FMN1: variants seen among roughly 807,000 people sequenced by gnomAD.
FMN1 encodes formin 1, also known as formin-1.
FMN1 carries 110 observed loss-of-function variants against 132.4 expected under a neutral mutation model. The ratio of observed to expected loss-of-function variants is 0.83; its 90% CI spans 0.71 to 0.97. The LOEUF (loss-of-function observed/expected upper bound fraction) is 0.97. Ranked by LOEUF, FMN1 falls within the 50% of genes least tolerant of loss-of-function variation. The pLI, the probability that FMN1 is intolerant of heterozygous loss-of-function variation, is 0.00. For missense variants in FMN1, 1,792 were observed against 1,705.3 expected (o/e 1.05, Z -0.90); for synonymous variants, 722 against 651.7 (o/e 1.11, Z -1.64).
intron 9 of FMN1, among the ~76,000 whole-genome samples, chr15:32,939,702 T>C (rs2061359038): frequency 6.6e-6 from 1 of 152,308 alleles, no homozygotes; most frequent in African/African-American, 2.4e-5. Flanking sequence ...ATTGGGTATT[T>C]AGTCTCCCAA....
chr15:33,098,137 A>G (rs2039156805), intron 4 of FMN1, among the ~76,000 whole-genome samples: 1 of 152,224 alleles, frequency 6.6e-6, no homozygotes, highest in African/African-American at 2.4e-5. Flanking sequence ...GAGACCATAC[A>G]CTTCAAAATA....
At chr15:32,804,756 C>T (rs948082786) in intron 17 of FMN1, among the ~76,000 whole-genome samples, 4 of 147,682 alleles carry the variant, frequency 2.7e-5, no homozygotes, top group African/African-American at 5.0e-5. Context: ...TGAGAACATG[C>T]AGTGTTTGGT....
At chr15:32,994,213 C>A (rs12903272) in intron 7 of FMN1, among the ~76,000 whole-genome samples, 1 of 103,824 alleles carries the variant, frequency 9.6e-6, no homozygotes, top group African/African-American at 4.6e-5. Context: ...GAACTCATTC[C>A]TCTCTCTCTC....
chr15:32,775,522 GGAA>G (rs1465341629), intron 20 of FMN1, among the ~76,000 whole-genome samples: 1 of 152,160 alleles, frequency 6.6e-6, no homozygotes. Flanking sequence ...GGCTCATGAA[GGAA>G]GAAGACAAAA....
intron 6 of FMN1, among the ~76,000 whole-genome samples, chr15:33,049,569 C>G (rs541469747): frequency 6.8e-4 from 104 of 152,212 alleles, no homozygotes; most frequent in African/African-American, 2.4e-3. Flanking sequence ...GAGAAAATGA[C>G]CAAAAGAGGG....
At chr15:32,831,515 G>A (rs2058500717) in intron 17 of FMN1, among the ~76,000 whole-genome samples, 1 of 152,168 alleles carries the variant, frequency 6.6e-6, no homozygotes, top group African/African-American at 2.4e-5. Context: ...AGCTCAAGGA[G>A]CCCCAGGAGC....
In FMN1 at chr15:33,098,302, A is replaced by T. The variant is rs192371334; in HGVS notation, c.1868-9328T>A. On this transcript the variant is annotated intron_variant, in intron 4 of 20. Transcript: ENST00000616417. Reference sequence around the variant, plus strand: ...GCATTTCTCCTCCGGACTGGGGGAGATGTCAGGCATAACTGATGCATGATT... The same window carrying T: ...GCATTTCTCCTCCGGACTGGGGGAGTTGTCAGGCATAACTGATGCATGATT... Among the ~76,000 whole-genome samples, 34 of 152,256 alleles carry T rather than the reference A, an allele frequency of 2.2e-4. No homozygotes were observed. The East Asian group carries it at 4.5e-3, about 20-fold the overall frequency.
chr15:32,894,880 G>T (rs2060117561), intron 15 of FMN1, among the ~76,000 whole-genome samples: 1 of 150,138 alleles, frequency 6.7e-6, no homozygotes, highest in African/African-American at 2.5e-5. Flanking sequence ...CTACATATTT[G>T]GTATTATACT....
At chr15:32,864,202 A>T (rs1164941752) in intron 16 of FMN1, among the ~76,000 whole-genome samples, 2 of 152,208 alleles carry the variant, frequency 1.3e-5, no homozygotes, top group Non-Finnish European at 2.9e-5. Context: ...GCCTGCAATA[A>T]AAAGTACCTA....
intron 16 of FMN1, among the ~76,000 whole-genome samples, chr15:32,868,813 C>CTG (rs1346068361): frequency 1.3e-5 from 2 of 152,044 alleles, no homozygotes; most frequent in African/African-American, 4.8e-5. Flanking sequence ...CAAGTATCTG[C>CTG]TGTATGCCAC....
intron 5 of FMN1, among the ~76,000 whole-genome samples, chr15:33,077,187 C>A (rs2038245304): frequency 6.6e-6 from 1 of 151,944 alleles, no homozygotes; most frequent in Non-Finnish European, 1.5e-5. Flanking sequence ...TGCCACCATG[C>A]CTGGCTAATT....
At chr15:32,924,997 T>C (rs1193119832) in intron 10 of FMN1, among the ~76,000 whole-genome samples, 1 of 152,238 alleles carries the variant, frequency 6.6e-6, no homozygotes, top group Admixed American at 6.5e-5. Context: ...ATTGTTTTCA[T>C]GCGAGACACA....
intron 15 of FMN1, among the ~76,000 whole-genome samples, chr15:32,894,091 T>A (rs2060095957): frequency 6.6e-6 from 1 of 152,220 alleles, no homozygotes; most frequent in Admixed American, 6.5e-5. Context: ...CATCTCCTCA[T>A]ATCTAGTTCT....
At chr15:32,803,287 T>C (rs932775332) in intron 18 of FMN1, among the ~76,000 whole-genome samples, 1 of 152,216 alleles carries the variant, frequency 6.6e-6, no homozygotes, top group Non-Finnish European at 1.5e-5. Flanking sequence ...ACCAGCAAAA[T>C]GTATCTCAAA....
At chr15:32,995,656 G>A (rs2033721005) in intron 7 of FMN1, among the ~76,000 whole-genome samples, 1 of 152,138 alleles carries the variant, frequency 6.6e-6, no homozygotes, top group African/African-American at 2.4e-5. Flanking sequence ...TTTGACACGT[G>A]CTCAATTGGT....
At chr15:32,790,905 A>T (rs1187990582) in intron 19 of FMN1, among the ~76,000 whole-genome samples, 1 of 152,216 alleles carries the variant, frequency 6.6e-6, no homozygotes, top group South Asian at 2.1e-4. Context: ...TTAAATACTA[A>T]AGGATCGTAA....
intron 9 of FMN1, among the ~76,000 whole-genome samples, chr15:32,945,086 G>A (rs1035848163): frequency 2.0e-5 from 3 of 152,008 alleles, no homozygotes; most frequent in African/African-American, 7.3e-5. Context: ...CTAATACAGG[G>A]GCTGATATTT....
intron 6 of FMN1, among the ~76,000 whole-genome samples, chr15:33,019,368 G>A (rs1226260249): frequency 1.3e-5 from 2 of 152,168 alleles, no homozygotes; most frequent in African/African-American, 4.8e-5. Flanking sequence ...CAATCCCTTA[G>A]CCAGACATAA....
chr15:32,814,217 T>C (rs1468046088), intron 17 of FMN1, among the ~76,000 whole-genome samples: 1 of 152,230 alleles, frequency 6.6e-6, no homozygotes, highest in Non-Finnish European at 1.5e-5. Context: ...TCACCATTAA[T>C]AGAAGTGACA....
Sources: gnomAD v4.1 joint callset for allele counts (sites outside exome capture counted in the v4.1 genomes callset) on GRCh38, gnomAD v4.1.1 for gene constraint, MANE v1.5 for transcripts, NCBI Gene and HGNC (gene_info 2026-07-23, HGNC 2026-07-21) for gene names.